ATXN2: variants seen among roughly 807,000 people sequenced by gnomAD.
ATXN2 encodes ataxin-2.
In ATXN2, 37 loss-of-function variants were observed where a neutral mutation model predicts 138.6. The observed-to-expected ratio is 0.27, with a 90% CI of 0.21 to 0.35. The LOEUF is 0.35. Ranked by LOEUF, ATXN2 falls within the 10% of genes least tolerant of loss-of-function variation. ATXN2 has a pLI of 1.00. For missense variants in ATXN2, 1,216 were observed against 1,480.3 expected, an observed-to-expected ratio of 0.82 and a Z score of 2.93; for synonymous variants, 549 against 543.7, an observed-to-expected ratio of 1.01 and a Z score of -0.13.
chr12:111,536,335 G>A (rs1881174662), intron 5 of ATXN2, among the ~76,000 whole-genome samples: 2 of 152,012 alleles, frequency 1.3e-5, no homozygotes, highest in South Asian at 2.1e-4. Context: ...TTTTTACCAT[G>A]TGTGCATATA....
Position 111,513,409 on chromosome 12 carries a change from T to C in ATXN2, c.1506A>G (p.Pro502=), listed in dbSNP as rs1394907729. The change falls in exon 11 of 25, where the codon CCA becomes CCG. Residue 502 remains proline (P), a synonymous_variant. Transcript: ENST00000673436. ...HNPPSEAATP[P]VARTSPSGGT... Reference sequence around the variant, plus strand: ...CCCCCGAGGGACTGGTCCTTGCTACTGGAGGAGTAGCTGCTTCACTGGGTG... The same window carrying C: ...CCCCCGAGGGACTGGTCCTTGCTACCGGAGGAGTAGCTGCTTCACTGGGTG... 3.7e-6 allele frequency: 6 copies of C among 1,614,006 alleles called. No homozygotes were observed. The Admixed American group carries it at 5.0e-5, about 13-fold the overall frequency.
intron 14 of ATXN2, among the ~76,000 whole-genome samples, chr12:111,490,228 A>G (rs1763758325): frequency 6.6e-6 from 1 of 152,018 alleles, no homozygotes; most frequent in Non-Finnish European, 1.5e-5. Context: ...AAAAAAAAAA[A>G]AAGTTTTAAA....
intron 10 of ATXN2, among the ~76,000 whole-genome samples, chr12:111,513,866 A>T (rs1018172341): frequency 2.0e-5 from 3 of 152,122 alleles, no homozygotes; most frequent in African/African-American, 7.2e-5. Context: ...ATCTGTTTCA[A>T]CTATGTCTTA....
At position 111,493,139 on chromosome 12, in the gene ATXN2, T is replaced by C. The variant is rs573982558; in HGVS notation, c.1936-4359A>G. On this transcript the variant is annotated intron_variant, in intron 14 of 24. Coordinates refer to ENST00000673436, the MANE Select transcript of ATXN2 (RefSeq NM_001372574.1). ...GGCTATTTGAAAATAAACAACCAAG[T>C]TGGGCACGATGACTCACGCTTATAA... is the stretch of plus-strand genomic sequence containing the variant. 9.2e-5 allele frequency among the ~76,000 whole-genome samples: 14 copies of C among 151,988 alleles called. No individual in the cohort carries two copies. In the South Asian group the frequency reaches 2.7e-3, roughly 29 times the overall value.
intron 1 of ATXN2, among the ~76,000 whole-genome samples, chr12:111,561,024 A>G (rs1347968537): frequency 6.6e-6 from 1 of 152,118 alleles, no homozygotes; most frequent in Non-Finnish European, 1.5e-5. Context: ...TACTAAAAAT[A>G]CAAAAACAAA....
At chr12:111,538,336 T>C (rs1881305915) in intron 5 of ATXN2, among the ~76,000 whole-genome samples, 1 of 152,140 alleles carries the variant, frequency 6.6e-6, no homozygotes, top group Non-Finnish European at 1.5e-5. Context: ...AAATACATCA[T>C]CTTAGTTTGA....
At chr12:111,495,395 G>A (rs1262458323) in intron 14 of ATXN2, among the ~76,000 whole-genome samples, 1 of 151,206 alleles carries the variant, frequency 6.6e-6, no homozygotes. Context: ...AAATTGAAGA[G>A]CTGGAAAACA....
chr12:111,555,321 C>T (rs1882331609), intron 2 of ATXN2, among the ~76,000 whole-genome samples: 1 of 152,136 alleles, frequency 6.6e-6, no homozygotes, highest in Admixed American at 6.6e-5. Flanking sequence ...ATACTATTTA[C>T]AAATGATATG....
At chr12:111,487,533 T>C (rs10400469) in intron 15 of ATXN2, among the ~76,000 whole-genome samples, 15,501 of 152,024 alleles carry the variant, frequency 0.1, 2,646 homozygotes, top group African/African-American at 0.35. Flanking sequence ...TGATCTCGGC[T>C]CACTGCAGCC....
intron 18 of ATXN2, among the ~76,000 whole-genome samples, chr12:111,478,904 G>A (rs988834012): frequency 2.0e-5 from 3 of 151,980 alleles, no homozygotes; most frequent in African/African-American, 4.8e-5. Flanking sequence ...AGCTACTTGG[G>A]AGGCTGAGGC....
intron 1 of ATXN2, among the ~76,000 whole-genome samples, chr12:111,559,947 A>G (rs964219040): frequency 4.6e-5 from 7 of 152,212 alleles, no homozygotes; most frequent in African/African-American, 1.7e-4. Flanking sequence ...TTTCAAAGGC[A>G]CTTGGTAGGA....
intron 14 of ATXN2, among the ~76,000 whole-genome samples, chr12:111,507,194 G>A (rs939445423): frequency 6.6e-6 from 1 of 151,684 alleles, no homozygotes; most frequent in African/African-American, 2.4e-5. Context: ...CCTCTTCCCG[G>A]CCGCCATCCC....
rs7964109 is a variant in ATXN2, at chr12:111,547,818, A to G, written c.571+4462T>C. ...AAACTTGAACAACATAATAGTCTGC[A>G]TCTTATATTGCTTGAGAATTTTTTT... is the stretch of plus-strand genomic sequence containing the variant. On this transcript the variant is annotated intron_variant, in intron 5 of 24. Coordinates refer to ENST00000673436, the MANE Select transcript of ATXN2 (RefSeq NM_001372574.1). Among the ~76,000 whole-genome samples, 7,193 of 140,284 alleles carry G rather than the reference A, an allele frequency of 0.051. 877 individuals carry two copies. In the East Asian group the frequency reaches 0.52, roughly 10 times the overall value. The allele number at this position is 140,284 out of a possible 152,430, so 92.0% of individuals were successfully genotyped here. A position where few individuals can be genotyped will look rare whatever the true frequency, so the allele number is the denominator to read the frequency against.
At chr12:111,470,023 G>A in intron 20 of ATXN2, 85 bp downstream of exon 20, 4 of 1,402,498 alleles carry the variant, frequency 2.9e-6, no homozygotes, top group Non-Finnish European at 3.8e-6. Context: ...AAAAGGTCAG[G>A]TTATTCTTAG....
intron 7 of ATXN2, among the ~76,000 whole-genome samples, chr12:111,520,464 A>C (rs1185129927): frequency 6.6e-6 from 1 of 152,178 alleles, no homozygotes; most frequent in Non-Finnish European, 1.5e-5. Flanking sequence ...TATCCTGGCC[A>C]ACATGGTGAA....
intron 1 of ATXN2, among the ~76,000 whole-genome samples, chr12:111,561,766 G>A (rs610769): frequency 0.21 from 31,327 of 151,744 alleles, 3,343 homozygotes; most frequent in East Asian, 0.33. Flanking sequence ...CTCAGGAGGC[G>A]GAGTTCATGC....
rs912344466 is a variant in ATXN2, at chr12:111,598,746, G to A, written c.251+38C>T. 5.5e-5 allele frequency: 64 copies of A among 1,162,900 alleles called. No homozygotes were observed. The highest frequency in any genetic ancestry group is 4.9e-5 in the Non-Finnish European group (46 of 942,650). 72.0% of individuals were successfully genotyped at this position (1,162,900 alleles called of 1,614,324 possible). A position where few individuals can be genotyped will look rare whatever the true frequency, so the allele number is the denominator to read the frequency against. ...CGCGGGCCGCGGGGGAGGGGACGCCGGGCCCGGAGCGGAGGGGGCTGGGGT... is the reference window on the plus strand; with the variant it reads ...CGCGGGCCGCGGGGGAGGGGACGCCAGGCCCGGAGCGGAGGGGGCTGGGGT... On this transcript the variant is annotated intron_variant, in intron 1 of 24. Transcript: ENST00000673436. The surrounding 1 kb of genome is among the most constrained non-coding windows in gnomAD (Gnocchi z 4.5).
intron 6 of ATXN2, 110 bp from the exon 7 acceptor site, chr12:111,521,083 T>C (rs1373871098): frequency 1.0e-5 from 7 of 694,958 alleles, no homozygotes; most frequent in Non-Finnish European, 1.6e-5. Context: ...TTGAGCAAAA[T>C]TAGCAAATTA....
Position 111,470,674 on chromosome 12 carries a change from C to T in ATXN2, c.2593G>A (p.Ala865Thr), listed in dbSNP as rs776368642. 23 of 1,614,144 alleles carry T rather than the reference C, an allele frequency of 1.4e-5. No homozygotes were observed. Among genetic ancestry groups the T allele is most frequent in the Non-Finnish European group, 1.9e-5 (23 of 1,180,038 alleles). ...GGGGTGGCTGCAATCGGTGGGCCCG[C>T]TGCTGACGCTGGGTGCATCATGGCA... is the stretch of plus-strand genomic sequence containing the variant. The part of the protein sequence containing the change: ...QSAMMHPASA[A>T]GPPIAATPPA... The change falls in exon 19 of 25, where the codon GCG becomes ACG. Residue 865 changes from alanine to threonine, a missense_variant. Physicochemically the swap from Ala to Thr is moderately conservative, Grantham distance 58. This residue lies in a region of ATXN2 where 490 missense variants were observed against 653.5 expected (regional missense o/e 0.75). Transcript: ENST00000673436.
Sources: allele counts gnomAD v4.1 joint callset (sites outside exome capture counted in the v4.1 genomes callset), GRCh38; gene constraint gnomAD v4.1.1; regional missense constraint gnomAD v4.1.1; non-coding constraint Gnocchi (gnomAD v3.1); transcripts MANE v1.5; gene names NCBI Gene and HGNC (gene_info 2026-07-23, HGNC 2026-07-21).